ASXL3: variants seen among roughly 807,000 people sequenced by gnomAD.
ASXL3 encodes the protein putative Polycomb group protein ASXL3.
A neutral mutation model predicts 170.6 loss-of-function variants in ASXL3; 34 were observed. The ratio of observed to expected loss-of-function variants is 0.20; its 90% CI spans 0.15 to 0.27. ASXL3 has a LOEUF of 0.27. ASXL3 is among the 10% of genes least tolerant of loss of function. The pLI is 1.00. For synonymous variants in ASXL3, 1,002 were observed against 989.1 expected (o/e 1.01, Z -0.24); for missense variants, 2,592 against 2,695.3 (o/e 0.96, Z 0.85).
chr18:33,627,116 C>T (rs2065614928), intron 2 of ASXL3: 2 of 152,462 alleles, frequency 1.3e-5, no homozygotes, highest in Admixed American at 1.3e-4. Flanking sequence ...CATTGAGGGT[C>T]TTCCCGTAAG....
chr18:33,719,455 A>G (rs1226899613), intron 8 of ASXL3, among the ~76,000 whole-genome samples: 1 of 152,086 alleles, frequency 6.6e-6, no homozygotes, highest in Non-Finnish European at 1.5e-5. Context: ...TATTTCCAGC[A>G]TCTAGCATAT....
intron 7 of ASXL3, among the ~76,000 whole-genome samples, chr18:33,679,583 T>C (rs1048659048): frequency 6.6e-5 from 10 of 152,092 alleles, no homozygotes; most frequent in African/African-American, 2.4e-4. Flanking sequence ...GTTCCAGAGA[T>C]AGGTCAAGAA....
At position 33,746,146 on chromosome 18, in the gene ASXL3, C is replaced by G. The variant is rs368040011; in HGVS notation, c.6298C>G (p.Gln2100Glu). Residue 2100 changes from glutamine to glutamate, a missense_variant, in exon 12 of 12, where the codon CAA becomes GAA. Gln to Glu is a conservative substitution (Grantham distance 29, BLOSUM62 2). Transcript: ENST00000269197. ...CAGCAGCTGTGAACTGGGCATGAAA[C>G]AAGTTTCCTATGACCAGAATGAAAT... Reference protein sequence around the residue: ...LSSSCELGMKQVSYDQNEMKE... With the variant: ...LSSSCELGMKEVSYDQNEMKE... The G allele has an allele frequency of 8.3e-5, 134 of 1,613,652 alleles. No individual in the cohort carries two copies. The highest frequency in any genetic ancestry group is 1.6e-4 in the Middle Eastern group (1 of 6,084).
At chr18:33,658,735 G>T (rs755440979) in intron 4 of ASXL3, among the ~76,000 whole-genome samples, 7 of 152,078 alleles carry the variant, frequency 4.6e-5, no homozygotes, top group Non-Finnish European at 7.4e-5. Flanking sequence ...ACAACTTCCA[G>T]AAAGAGGGAT....
intron 1 of ASXL3, among the ~76,000 whole-genome samples, chr18:33,599,411 A>G (rs1273903112): frequency 4.6e-5 from 7 of 152,156 alleles, no homozygotes; most frequent in African/African-American, 9.7e-5. Flanking sequence ...TAGATTGAGT[A>G]ATCAGTATCA....
chr18:33,710,949 A>G (rs953033189), intron 8 of ASXL3, among the ~76,000 whole-genome samples: 2 of 152,204 alleles, frequency 1.3e-5, no homozygotes, highest in Non-Finnish European at 2.9e-5. Context: ...AAATTTGCAT[A>G]CAAAATGCTG....
chr18:33,710,145 A>G (rs1373611500), intron 8 of ASXL3, among the ~76,000 whole-genome samples: 1 of 152,126 alleles, frequency 6.6e-6, no homozygotes, highest in African/African-American at 2.4e-5. Flanking sequence ...AATCCCAGCT[A>G]CTCAGGAGGC....
At chr18:33,633,688 A>G (rs1224683384) in intron 2 of ASXL3, among the ~76,000 whole-genome samples, 2 of 151,562 alleles carry the variant, frequency 1.3e-5, no homozygotes, top group Non-Finnish European at 2.9e-5. Context: ...CTAAAATACA[A>G]AAAAAAATTA....
intron 8 of ASXL3, among the ~76,000 whole-genome samples, chr18:33,684,251 A>T (rs2066557575): frequency 6.6e-6 from 1 of 152,148 alleles, no homozygotes; most frequent in African/African-American, 2.4e-5. Context: ...GCTGTCTAGG[A>T]AACATTCCCT....
chr18:33,664,638 C>T (rs974000156), intron 5 of ASXL3, among the ~76,000 whole-genome samples: 10 of 152,092 alleles, frequency 6.6e-5, no homozygotes, highest in South Asian at 4.1e-4. Context: ...TAATTTACAA[C>T]AAACTGTCTT....
chr18:33,644,902 C>T lies in ASXL3; in HGVS notation c.146C>T (p.Ser49Phe). ...KEGLKETSGT[S>F]PLACLNAMLH... ...ACACTTTTATTTTCTAGTGGAACCT[C>T]TCCATTAGCCTGTCTGAATGCAATG... The change falls in exon 3 of 12, where the codon TCT becomes TTT. Residue 49 changes from serine (S) to phenylalanine (F), a missense_variant. Around this residue, in one of 4 missense-constraint regions of ASXL3, gnomAD observed 251 missense variants for 281.9 expected, o/e 0.89. Transcript: ENST00000269197. The T allele has an allele frequency of 6.4e-7, 1 of 1,563,288 alleles. No homozygotes were observed. Among genetic ancestry groups the T allele is most frequent in the Non-Finnish European group, 8.7e-7 (1 of 1,150,268 alleles).
intron 2 of ASXL3, among the ~76,000 whole-genome samples, chr18:33,641,101 C>T (rs1022435175): frequency 6.6e-6 from 1 of 152,008 alleles, no homozygotes; most frequent in Non-Finnish European, 1.5e-5. Context: ...TTGCATTCCC[C>T]AGGTATTCTG....
In ASXL3 at chr18:33,659,064, G is replaced by C. The variant is rs1163679141; in HGVS notation, c.356-2552G>C. Among the ~76,000 whole-genome samples, 4 of 152,060 alleles carry C rather than the reference G, an allele frequency of 2.6e-5. No individual in the cohort carries two copies. The East Asian group carries it at 7.7e-4, about 29-fold the overall frequency. ...TACTGAAATAGGTATCCCAATGTCT[G>C]ATGGTTTCCTAGGTCAGAAATAGAG... On this transcript the variant is annotated intron_variant, in intron 4 of 11. Transcript: ENST00000269197.
chr18:33,683,382 T>C (rs751171405), intron 7 of ASXL3, 23 bp from the exon 8 acceptor site: 1 of 1,597,760 alleles, frequency 6.3e-7, no homozygotes, highest in East Asian at 2.2e-5. Flanking sequence ...AGTAAATTCA[T>C]GCCTCTTGCT....
At chr18:33,611,732 G>A (rs2065339095) in intron 2 of ASXL3, among the ~76,000 whole-genome samples, 2 of 152,050 alleles carry the variant, frequency 1.3e-5, no homozygotes, top group South Asian at 4.1e-4. Flanking sequence ...TCTGCAGTAA[G>A]TGAAAGTATT....
intron 4 of ASXL3, among the ~76,000 whole-genome samples, chr18:33,660,741 G>A (rs1353605590): frequency 1.3e-5 from 2 of 152,112 alleles, no homozygotes; most frequent in African/African-American, 4.8e-5. Flanking sequence ...AAAAGGGCCT[G>A]CATCTGTGCT....
intron 1 of ASXL3, among the ~76,000 whole-genome samples, chr18:33,599,167 C>G (rs549151382): frequency 5.3e-5 from 8 of 151,988 alleles, no homozygotes; most frequent in Non-Finnish European, 8.8e-5. Flanking sequence ...GATCATATCC[C>G]TGGAAGGCAT....
At chr18:33,605,245 T>C (rs2065232670) in intron 1 of ASXL3, among the ~76,000 whole-genome samples, 1 of 152,026 alleles carries the variant, frequency 6.6e-6, no homozygotes, top group Non-Finnish European at 1.5e-5. Flanking sequence ...ACTCAGTGTA[T>C]TAGAGTATGG....
chr18:33,745,868 A>G lies in ASXL3; in HGVS notation c.6020A>G (p.His2007Arg). ...KEGDEVGGTAHTMPNKALVHP... is the reference protein window; with the variant it reads ...KEGDEVGGTARTMPNKALVHP... ...GGTGATGAGGTGGGAGGCACTGCACACACAATGCCAAACAAAGCACTAGTA... is the reference window on the plus strand; with the variant it reads ...GGTGATGAGGTGGGAGGCACTGCACGCACAATGCCAAACAAAGCACTAGTA... The change falls in exon 12 of 12, where the codon CAC (histidine) becomes CGC (arginine). Residue 2007 changes from histidine to arginine, a missense_variant. Around this residue, in one of 4 missense-constraint regions of ASXL3, gnomAD observed 2,246 missense variants for 2,219.6 expected, o/e 1.01. Transcript: ENST00000269197. 6.2e-7 allele frequency: 1 copy of G among 1,613,732 alleles called. No homozygotes were observed. The highest frequency in any genetic ancestry group is 2.2e-5 in the East Asian group (1 of 44,860).
Sources: allele counts gnomAD v4.1 joint callset (sites outside exome capture counted in the v4.1 genomes callset), GRCh38; gene constraint gnomAD v4.1.1; regional missense constraint gnomAD v4.1.1; transcripts MANE v1.5; gene names NCBI Gene and HGNC (gene_info 2026-07-23, HGNC 2026-07-21).